Variants in ANO2 observed in about 807,000 individuals in gnomAD.
ANO2 encodes anoctamin 2, also known as anoctamin-2.
Under a neutral mutation model 124.2 loss-of-function variants are expected in ANO2, and 101 were observed. The ratio of observed to expected loss-of-function variants is 0.81; its 90% CI spans 0.69 to 0.96. The LOEUF is 0.96. Among genes scored for constraint, ANO2 ranks in the 40% least tolerant of loss-of-function variants. The pLI is 0.00. For missense variants in ANO2, 1,293 were observed against 1,274.5 expected (o/e 1.01, Z -0.22); for synonymous variants, 486 against 482.5 (o/e 1.01, Z -0.09).
chr12:5,827,015 A>C (rs1445107559), intron 7 of ANO2, among the ~76,000 whole-genome samples: 1 of 152,180 alleles, frequency 6.6e-6, no homozygotes, highest in African/African-American at 2.4e-5. Context: ...AGGGTTCAAC[A>C]TGCAAGAATG....
chr12:5,581,463 A>T (rs1215450415), intron 20 of ANO2, among the ~76,000 whole-genome samples: 1 of 152,096 alleles, frequency 6.6e-6, no homozygotes, highest in Non-Finnish European at 1.5e-5. Flanking sequence ...TTATAGGAAA[A>T]ATGGGACTCT....
chr12:5,630,883 A>T (rs1263916165), intron 16 of ANO2, among the ~76,000 whole-genome samples: 1 of 152,188 alleles, frequency 6.6e-6, no homozygotes, highest in African/African-American at 2.4e-5. Context: ...AATTAGGCCG[A>T]TTCTAGCCAG....
At position 5,787,388 on chromosome 12, in the gene ANO2, T is replaced by A. The variant is rs972524751; in HGVS notation, c.1055+12119A>T. ...TCCGTGACCTGGCTCCCCACAAGCA[T>A]CTCCGCTACAGAGCTGAAGCTCCAG... On this transcript the variant is annotated intron_variant, in intron 10 of 24. Transcript: ENST00000682330. The surrounding 1 kb of genome is among the most constrained non-coding windows in gnomAD (Gnocchi z 4.2). Among the ~76,000 whole-genome samples, 1 of 152,052 alleles carries A rather than the reference T, an allele frequency of 6.6e-6. No individual in the cohort carries two copies. The highest frequency in any genetic ancestry group is 1.5e-5 in the Non-Finnish European group (1 of 68,012).
chr12:5,827,810 A>G lies in ANO2; in HGVS notation c.851T>C (p.Ile284Thr). 9.9e-6 allele frequency: 16 copies of G among 1,611,254 alleles called. No homozygotes were observed. Among genetic ancestry groups the G allele is most frequent in the Non-Finnish European group, 1.4e-5 (16 of 1,178,928 alleles). The change falls in exon 7 of 25, where the codon ATC (isoleucine) becomes ACC (threonine). Residue 284 changes from isoleucine (I) to threonine (T), a missense_variant. Physicochemically the swap from Ile to Thr is moderately conservative, Grantham distance 89. Transcript: ENST00000682330. The stretch of plus-strand genomic sequence containing the variant: ...TCGGGAGCAGGCTGTGCGCTTCAGG[A>G]TCTCGTGCACCTAAAAGGGGACGAC... ...NATRSRIVHE[I>T]LKRTACSRAN...
intron 14 of ANO2, among the ~76,000 whole-genome samples, chr12:5,724,144 C>G (rs558246694): frequency 7.1e-4 from 108 of 152,208 alleles, no homozygotes; most frequent in African/African-American, 2.5e-3. Flanking sequence ...AGGCCATAAA[C>G]AGATTTCAGA....
At chr12:5,576,570 C>T (rs377645235) in intron 22 of ANO2, among the ~76,000 whole-genome samples, 5 of 152,272 alleles carry the variant, frequency 3.3e-5, no homozygotes, top group East Asian at 1.9e-4. Flanking sequence ...CTTAAGAAAA[C>T]GGAGACACAG....
chr12:5,806,304 G>A (rs1182300637), intron 8 of ANO2, among the ~76,000 whole-genome samples: 1 of 152,098 alleles, frequency 6.6e-6, no homozygotes, highest in Non-Finnish European at 1.5e-5. Flanking sequence ...CTTCTCACAT[G>A]AAGATGTGCC....
Position 5,696,284 on chromosome 12 carries a change from C to T in ANO2, c.1545+36236G>A, listed in dbSNP as rs150579174. On this transcript the variant is annotated intron_variant, in intron 14 of 24. Coordinates refer to ENST00000682330, the MANE Select transcript of ANO2 (RefSeq NM_001364791.2). The stretch of plus-strand genomic sequence containing the variant: ...CATTGATCAGACCTTTAAAAAGAAA[C>T]GCAAACAACATTTAAAATCACAAAG... Among the ~76,000 whole-genome samples the T allele has an allele frequency of 2.6e-3, 395 of 152,058 alleles. 7 individuals are homozygous for T. The South Asian group carries it at 0.029, about 11-fold the overall frequency.
chr12:5,640,593 A>T (rs1162254977), intron 15 of ANO2, among the ~76,000 whole-genome samples: 1 of 152,362 alleles, frequency 6.6e-6, no homozygotes. Context: ...TCAAAAGAAG[A>T]CATTTATGCA....
At chr12:5,814,131 G>A (rs1953523470) in intron 7 of ANO2, among the ~76,000 whole-genome samples, 1 of 152,146 alleles carries the variant, frequency 6.6e-6, no homozygotes. Context: ...CCTGCTCAAG[G>A]TCACCTCCTC....
chr12:5,933,327 C>T (rs1942510293), intron 1 of ANO2, among the ~76,000 whole-genome samples: 1 of 152,206 alleles, frequency 6.6e-6, no homozygotes, highest in South Asian at 2.1e-4. Flanking sequence ...CTCTAAACTT[C>T]TCTCCCCAAC....
intron 21 of ANO2, 119 bp from the exon 22 acceptor site, chr12:5,578,126 C>A (rs529752310): frequency 6.7e-6 from 9 of 1,334,408 alleles, no homozygotes; most frequent in South Asian, 5.5e-5. Context: ...TGGGCCCCCC[C>A]AGAATGGGCT....
intron 3 of ANO2, among the ~76,000 whole-genome samples, chr12:5,909,971 C>A (rs1436342425): frequency 6.6e-6 from 1 of 152,120 alleles, no homozygotes; most frequent in Non-Finnish European, 1.5e-5. Flanking sequence ...TCCGAGGCAA[C>A]AAGGAGACTA....
At position 5,655,258 on chromosome 12, in the gene ANO2, C is replaced by T. The variant is rs184780703; in HGVS notation, c.1546-7457G>A. Among the ~76,000 whole-genome samples the T allele has an allele frequency of 1.7e-4, 26 of 152,322 alleles. No individual in the cohort carries two copies. The East Asian group carries it at 3.9e-3, about 23-fold the overall frequency. On this transcript the variant is annotated intron_variant, in intron 14 of 24. Coordinates refer to ENST00000682330, the MANE Select transcript of ANO2 (RefSeq NM_001364791.2). Reference sequence around the variant, plus strand: ...GTCTCATTTGGAGAGATGTCCCTCCCTCTTGTTGACTGCCAGTCTTTCCGC... The same window carrying T: ...GTCTCATTTGGAGAGATGTCCCTCCTTCTTGTTGACTGCCAGTCTTTCCGC...
chr12:5,869,785 C>T (rs970746787), intron 3 of ANO2, among the ~76,000 whole-genome samples: 4 of 152,140 alleles, frequency 2.6e-5, no homozygotes, highest in African/African-American at 9.7e-5. Flanking sequence ...TTCTGCAAGA[C>T]GAGAGTGGCT....
chr12:5,647,591 C>T, intron 15 of ANO2, 136 bp downstream of exon 15: 1 of 747,462 alleles, frequency 1.3e-6, no homozygotes, highest in Non-Finnish European at 2.3e-6. Context: ...CAAGATCCTG[C>T]CCCTCTACAC....
intron 14 of ANO2, among the ~76,000 whole-genome samples, chr12:5,718,318 A>G (rs1950096501): frequency 6.6e-6 from 1 of 152,266 alleles, no homozygotes; most frequent in South Asian, 2.1e-4. Flanking sequence ...TGATCAAGGC[A>G]GGAAGTTTAT....
intron 14 of ANO2, among the ~76,000 whole-genome samples, chr12:5,682,804 C>T (rs1239581569): frequency 6.6e-6 from 1 of 152,164 alleles, no homozygotes; most frequent in South Asian, 2.1e-4. Flanking sequence ...TGGATCTGAA[C>T]CTTTAAGGAG....
At chr12:5,696,000 G>A (rs553100988) in intron 14 of ANO2, among the ~76,000 whole-genome samples, 2 of 150,642 alleles carry the variant, frequency 1.3e-5, no homozygotes, top group Non-Finnish European at 3.0e-5. Flanking sequence ...TGAGTTACAG[G>A]GGGAAAAAAT....
Sources: allele counts gnomAD v4.1 joint callset (sites outside exome capture counted in the v4.1 genomes callset), GRCh38; gene constraint gnomAD v4.1.1; non-coding constraint Gnocchi (gnomAD v3.1); transcripts MANE v1.5; gene names NCBI Gene and HGNC (gene_info 2026-07-23, HGNC 2026-07-21).